Variants in TFB2M observed in about 807,000 individuals in gnomAD.
TFB2M encodes dimethyladenosine transferase 2, mitochondrial.
In TFB2M, 44 loss-of-function variants were observed where a neutral mutation model predicts 41.3. The ratio of observed to expected loss-of-function variants is 1.07; its 90% CI spans 0.84 to 1.37. The LOEUF (loss-of-function observed/expected upper bound fraction) is 1.37. Among genes scored for constraint, TFB2M ranks in the 40% most tolerant of loss-of-function variants. TFB2M has a pLI of 0.00. For missense variants in TFB2M, 496 were observed against 490.2 expected (o/e 1.01, Z -0.11); for synonymous variants, 188 against 176.8 (o/e 1.06, Z -0.50).
chr1:246,563,342 G>A (rs776936215), intron 2 of TFB2M, among the ~76,000 whole-genome samples: 10 of 152,032 alleles, frequency 6.6e-5, no homozygotes, highest in Non-Finnish European at 1.3e-4. Flanking sequence ...GGTGGCTCAC[G>A]CCTGTAATCC....
intron 6 of TFB2M, among the ~76,000 whole-genome samples, chr1:246,545,089 A>T (rs531680339): frequency 6.6e-6 from 1 of 150,990 alleles, no homozygotes. Flanking sequence ...TACAGGCGTG[A>T]GCCACCGTGC....
intron 2 of TFB2M, among the ~76,000 whole-genome samples, chr1:246,558,246 A>G (rs1659375311): frequency 6.6e-6 from 1 of 150,484 alleles, no homozygotes; most frequent in Admixed American, 6.7e-5. Flanking sequence ...TCCTGGGCTT[A>G]AGTGATCCTT....
rs556386016 is a variant in TFB2M at position 246,551,250 on chromosome 1, A to G, written c.758T>C (p.Ile253Thr). Residue 253 changes from isoleucine to threonine, a missense_variant, in exon 5 of 8, where the codon ATC becomes ACC. Coordinates refer to ENST00000366514, the MANE Select transcript of TFB2M (RefSeq NM_022366.3). ...CTTAATCTCACAAGCTAATTGCCAG[A>G]TAACACTTAATACATGATACAAGTC... ...NPDLYHVLSV[I>T]WQLACEIKVL... 4.3e-6 allele frequency: 7 copies of G among 1,613,996 alleles called. No individual in the cohort carries two copies. The South Asian group carries it at 7.7e-5, about 18-fold the overall frequency.
chr1:246,547,946 A>AT (rs10599398), intron 6 of TFB2M, among the ~76,000 whole-genome samples: 7 of 134,466 alleles, frequency 5.2e-5, no homozygotes, highest in Non-Finnish European at 8.0e-5. Context: ...TAATATCACA[A>AT]TTTTTTTTTT....
chr1:246,545,471 T>A (rs116685029), intron 6 of TFB2M, among the ~76,000 whole-genome samples: 2,027 of 151,308 alleles, frequency 0.013, 49 homozygotes, highest in African/African-American at 0.047. Flanking sequence ...GCTGAGAGCA[T>A]GCCACTGCAC....
At chr1:246,551,991 C>T (rs1659198694) in intron 4 of TFB2M, among the ~76,000 whole-genome samples, 1 of 152,204 alleles carries the variant, frequency 6.6e-6, no homozygotes, top group Non-Finnish European at 1.5e-5. Context: ...ATCATCCCTT[C>T]ATTTTTTGCC....
At position 246,556,703 on chromosome 1, in the gene TFB2M, A is replaced by T; in HGVS notation, c.575T>A (p.Val192Asp). ...PWTADIPLKV[V>D]GMFPSRGEKR... is the part of the protein sequence containing the mutation. ...CTCACCTCTACTTGGGAACATTCCAACTACTTTTAAAGGGATGTCTGTTAG... is the reference window on the plus strand; with the variant it reads ...CTCACCTCTACTTGGGAACATTCCATCTACTTTTAAAGGGATGTCTGTTAG... The change falls in exon 4 of 8, where the codon GTT becomes GAT. Residue 192 changes from valine (V) to aspartate (D), a missense_variant. By Grantham distance (152) the Val-to-Asp change is radical. Transcript: ENST00000366514. 7 of 1,569,594 alleles carry T rather than the reference A, an allele frequency of 4.5e-6. No individual in the cohort carries two copies. Among genetic ancestry groups the T allele is most frequent in the Non-Finnish European group, 6.0e-6 (7 of 1,167,002 alleles).
At chr1:246,545,415 C>G (rs925826951) in intron 6 of TFB2M, among the ~76,000 whole-genome samples, 2 of 151,998 alleles carry the variant, frequency 1.3e-5, no homozygotes, top group Non-Finnish European at 2.9e-5. Context: ...GTCCCAGCTA[C>G]TCGGGAGGCT....
chr1:246,552,233 C>A (rs1233417687), intron 4 of TFB2M, among the ~76,000 whole-genome samples: 3 of 151,934 alleles, frequency 2.0e-5, no homozygotes, highest in Non-Finnish European at 4.4e-5. Flanking sequence ...GATGACCGTG[C>A]CTGTGAAAAG....
intron 1 of TFB2M, among the ~76,000 whole-genome samples, chr1:246,564,959 G>A (rs1381734581): frequency 6.6e-6 from 1 of 152,200 alleles, no homozygotes; most frequent in Non-Finnish European, 1.5e-5. Context: ...GATTACAGGC[G>A]TGAGCCACCG....
chr1:246,542,467 T>G (rs55970650), intron 7 of TFB2M, among the ~76,000 whole-genome samples: 42,874 of 151,718 alleles, frequency 0.28, 6,869 homozygotes, highest in East Asian at 0.71. Flanking sequence ...AGCCCAAGAG[T>G]TCAAGACTAT....
At chr1:246,562,976 A>G (rs1249448256) in intron 2 of TFB2M, among the ~76,000 whole-genome samples, 1 of 152,052 alleles carries the variant, frequency 6.6e-6, no homozygotes, top group African/African-American at 2.4e-5. Context: ...ACATTTTTAA[A>G]AGCCGGCCGG....
Position 246,557,045 on chromosome 1 carries a change from G to A in TFB2M, c.557-324C>T, listed in dbSNP as rs556077997. Among the ~76,000 whole-genome samples the A allele has an allele frequency of 3.2e-3, 482 of 152,122 alleles. 2 individuals are homozygous for A. Among genetic ancestry groups the A allele is most frequent in the African/African-American group, 0.011 (463 of 41,502 alleles). On this transcript the variant is annotated intron_variant, in intron 3 of 7. Coordinates refer to ENST00000366514, the MANE Select transcript of TFB2M (RefSeq NM_022366.3). ...TCCCAGCACTTTGGGAGGTCGAAGC[G>A]GGCAGATCACTTGAGGGCTGGAGTT...
In TFB2M at chr1:246,556,601, T is replaced by C. The variant is rs1405052492; in HGVS notation, c.677A>G (p.Asn226Ser). Residue 226 changes from asparagine to serine, a missense_variant, in exon 4 of 8, where the codon AAT (asparagine) becomes AGT (serine). By Grantham distance (46) the Asn-to-Ser change is conservative (BLOSUM62 1). Transcript: ENST00000366514. ...SIYKFGRIEV[N>S]MFIGEKEFQK... ...GAATTCTTTTTCACCAATAAACATA[T>C]TTACTTCTATTCGTCCAAATTTATA... 2.0e-6 allele frequency: 3 copies of C among 1,530,358 alleles called. No individual in the cohort carries two copies. In the South Asian group the frequency reaches 3.8e-5, roughly 19 times the overall value. 94.8% of individuals were successfully genotyped at this position (1,530,358 alleles called of 1,614,324 possible).
intron 2 of TFB2M, among the ~76,000 whole-genome samples, chr1:246,558,742 T>C (rs7545546): frequency 0.023 from 3,443 of 152,192 alleles, 134 homozygotes; most frequent in African/African-American, 0.073. Flanking sequence ...TTAGCTCATC[T>C]CCATAATTTT....
At chr1:246,548,230 A>C (rs764809493) in intron 6 of TFB2M, among the ~76,000 whole-genome samples, 2 of 152,212 alleles carry the variant, frequency 1.3e-5, no homozygotes, top group African/African-American at 4.8e-5. Context: ...TTTTGTTTCT[A>C]ATTAATCGAA....
chr1:246,546,974 C>CATAT (rs761506911), intron 6 of TFB2M, among the ~76,000 whole-genome samples: 1 of 123,608 alleles, frequency 8.1e-6, no homozygotes, highest in Non-Finnish European at 1.7e-5. Flanking sequence ...TATACACACA[C>CATAT]ACACACACAT....
Position 246,540,957 on chromosome 1 carries a change from AGTTTTCAAATTTG to A in TFB2M, c.*61_*73del. ...AGTTACCTTCTGCTGAAAGGATGTGAGTTTTCAAATTTGGTTTTCATGTCATAGTTTCCAAATA... is the reference window on the plus strand; with the variant it reads ...AGTTACCTTCTGCTGAAAGGATGTGAGTTTTCATGTCATAGTTTCCAAATA... On this transcript the variant is annotated 3_prime_UTR_variant, in exon 8 of 8. Transcript: ENST00000366514. The A allele has an allele frequency of 1.4e-6, 2 of 1,443,632 alleles. No individual in the cohort carries two copies. Among genetic ancestry groups the A allele is most frequent in the Non-Finnish European group, 1.9e-6 (2 of 1,060,760 alleles). The allele number at this position is 1,443,632 out of a possible 1,614,324, so 89.4% of individuals were successfully genotyped here.
chr1:246,565,314 T>C (rs1327194994), intron 1 of TFB2M, among the ~76,000 whole-genome samples: 1 of 152,188 alleles, frequency 6.6e-6, no homozygotes, highest in East Asian at 1.9e-4. Flanking sequence ...TATCAAAATA[T>C]TGTGTAAAGT....
Sources: gnomAD v4.1 joint callset for allele counts (sites outside exome capture counted in the v4.1 genomes callset) on GRCh38, gnomAD v4.1.1 for gene constraint, MANE v1.5 for transcripts, NCBI Gene and HGNC (gene_info 2026-07-23, HGNC 2026-07-21) for gene names.